Variants in REEP1 observed in about 807,000 individuals in gnomAD.
The protein encoded by REEP1 is receptor accessory protein 1, also known as receptor expression-enhancing protein 1.
REEP1 carries 22 observed loss-of-function variants against 40.3 expected under a neutral mutation model. The observed-to-expected ratio is 0.55, with a 90% CI of 0.39 to 0.78. The LOEUF (loss-of-function observed/expected upper bound fraction) is 0.78, where lower values mean the gene tolerates loss of function less well. REEP1 is among the 30% of genes least tolerant of loss of function. The pLI is 0.00. For synonymous variants in REEP1, 116 were observed against 139.2 expected, an observed-to-expected ratio of 0.83 and a Z score of 1.17; for missense variants, 280 against 361.1, an observed-to-expected ratio of 0.78 and a Z score of 1.82.
Position 86,216,713 on chromosome 2 carries a change from A to C in REEP1, c.*326T>G, listed in dbSNP as rs1369136170. 3.7e-6 allele frequency: 1 copy of C among 267,390 alleles called. No homozygotes were observed. The highest frequency in any genetic ancestry group is 7.2e-6 in the Non-Finnish European group (1 of 138,334). The allele number at this position is 267,390 out of a possible 1,614,324, so 16.6% of individuals were successfully genotyped here. On this transcript the variant is annotated 3_prime_UTR_variant, in exon 9 of 9. Transcript: ENST00000538924. Reference sequence around the variant, plus strand: ...ATAAATTACAAATGTACATCTCAGCAGCATAGGGGTGATTCTCTTATCTTT... The same window carrying C: ...ATAAATTACAAATGTACATCTCAGCCGCATAGGGGTGATTCTCTTATCTTT...
chr2:86,303,459 T>A (rs1440498761), intron 1 of REEP1, among the ~76,000 whole-genome samples: 14 of 151,698 alleles, frequency 9.2e-5, no homozygotes, highest in African/African-American at 3.4e-4. Flanking sequence ...CCTCAAGTGA[T>A]CCTCCCAATT....
intron 1 of REEP1, among the ~76,000 whole-genome samples, chr2:86,327,182 C>T (rs1680547883): frequency 6.6e-6 from 1 of 152,170 alleles, no homozygotes; most frequent in Non-Finnish European, 1.5e-5. Context: ...TTTTTACTTC[C>T]AGAAGTGCTT....
intron 2 of REEP1, among the ~76,000 whole-genome samples, chr2:86,274,942 A>AGAG (rs1210587139): frequency 8.6e-5 from 13 of 151,926 alleles, no homozygotes; most frequent in African/African-American, 2.7e-4. Context: ...GGTCCATTCT[A>AGAG]CCCCACTGCC....
At chr2:86,219,393 C>A (rs868347026) in intron 8 of REEP1, among the ~76,000 whole-genome samples, 1 of 151,700 alleles carries the variant, frequency 6.6e-6, no homozygotes, top group Non-Finnish European at 1.5e-5. Context: ...CCTGGAAAAA[C>A]CAAAACAAAA....
intron 3 of REEP1, among the ~76,000 whole-genome samples, chr2:86,261,040 A>T (rs1676827618): frequency 6.6e-6 from 1 of 152,236 alleles, no homozygotes; most frequent in African/African-American, 2.4e-5. Context: ...GTAAGGGCAT[A>T]TTCCAGCTAC....
chr2:86,254,076 G>A (rs921160249), intron 4 of REEP1, among the ~76,000 whole-genome samples: 4 of 152,152 alleles, frequency 2.6e-5, no homozygotes, highest in Admixed American at 1.3e-4. Context: ...ATCATCATGG[G>A]TATTACGAAG....
intron 1 of REEP1, among the ~76,000 whole-genome samples, chr2:86,313,902 A>C (rs1473253761): frequency 6.6e-6 from 1 of 152,156 alleles, no homozygotes; most frequent in African/African-American, 2.4e-5. Flanking sequence ...AGAAGCCCAA[A>C]ATTTGAATTT....
intron 4 of REEP1, among the ~76,000 whole-genome samples, chr2:86,252,394 C>G (rs1676336696): frequency 6.6e-6 from 1 of 152,178 alleles, no homozygotes; most frequent in South Asian, 2.1e-4. Context: ...CAGCCACTCA[C>G]CAGACACTGA....
chr2:86,274,020 A>C (rs772118381), intron 2 of REEP1, among the ~76,000 whole-genome samples: 1 of 152,242 alleles, frequency 6.6e-6, no homozygotes, highest in Admixed American at 6.5e-5. Context: ...GACAGAAAGA[A>C]TGGTTTCAAA....
upstream of REEP1, chr2:86,337,986 C>G: frequency 6.6e-7 from 1 of 1,523,100 alleles, no homozygotes; most frequent in Non-Finnish European, 8.8e-7. The surrounding 1 kb of genome is among the most constrained non-coding windows in gnomAD (Gnocchi z 5.8). Flanking sequence ...GCTGTCATCC[C>G]TCATTCAGCT....
At chr2:86,299,138 C>T (rs61669204) in intron 1 of REEP1, among the ~76,000 whole-genome samples, 16,093 of 152,234 alleles carry the variant, frequency 0.11, 1,650 homozygotes, top group African/African-American at 0.26. Context: ...CCCACCAGCT[C>T]CTTGGGCCCT....
At chr2:86,270,866 A>T (rs529915993) in intron 2 of REEP1, among the ~76,000 whole-genome samples, 2 of 152,174 alleles carry the variant, frequency 1.3e-5, no homozygotes, top group East Asian at 3.9e-4. Flanking sequence ...AAAAAAAAAC[A>T]CTTGAAGAAT....
chr2:86,273,135 T>C (rs1677552037), intron 2 of REEP1, among the ~76,000 whole-genome samples: 1 of 59,678 alleles, frequency 1.7e-5, no homozygotes, highest in Admixed American at 2.1e-4. Flanking sequence ...AACAAGACCC[T>C]GTCTCAAAAA....
At chr2:86,313,990 C>T (rs753158652) in intron 1 of REEP1, among the ~76,000 whole-genome samples, 23 of 152,228 alleles carry the variant, frequency 1.5e-4, no homozygotes, top group Non-Finnish European at 2.2e-4. Context: ...AGGCTGATTT[C>T]AGCCAGGAGC....
intron 2 of REEP1, among the ~76,000 whole-genome samples, chr2:86,278,880 G>A (rs541565593): frequency 5.9e-5 from 9 of 152,162 alleles, no homozygotes; most frequent in Admixed American, 1.3e-4. Context: ...ATAAATTCCC[G>A]TAAATTCCTT....
chr2:86,266,676 T>A (rs535068191), intron 2 of REEP1, among the ~76,000 whole-genome samples: 8,592 of 147,092 alleles, frequency 0.058, 362 homozygotes, highest in African/African-American at 0.11. Flanking sequence ...AATAAATAAA[T>A]AAATAAAGAT....
At chr2:86,271,837 A>C (rs1677472324) in intron 2 of REEP1, among the ~76,000 whole-genome samples, 1 of 152,230 alleles carries the variant, frequency 6.6e-6, no homozygotes. Context: ...CAGGAGCCTG[A>C]ATTCCTTCTT....
chr2:86,305,264 G>A (rs1362317965), intron 1 of REEP1, among the ~76,000 whole-genome samples: 2 of 152,190 alleles, frequency 1.3e-5, no homozygotes, highest in Non-Finnish European at 2.9e-5. Context: ...TCAAGCTGGT[G>A]TGAAGCAGGC....
At chr2:86,282,998 A>G (rs1678180535) in intron 1 of REEP1, among the ~76,000 whole-genome samples, 1 of 151,836 alleles carries the variant, frequency 6.6e-6, no homozygotes, top group Non-Finnish European at 1.5e-5. Context: ...CTCCTTCTGG[A>G]GTCTTCCTTC....
Sources: gnomAD v4.1 joint callset for allele counts (sites outside exome capture counted in the v4.1 genomes callset) on GRCh38, gnomAD v4.1.1 for gene constraint, Gnocchi (gnomAD v3.1) non-coding constraint, MANE v1.5 for transcripts, NCBI Gene and HGNC (gene_info 2026-07-23, HGNC 2026-07-21) for gene names.